ITCH: variants seen among roughly 807,000 people sequenced by gnomAD.
ITCH encodes the protein E3 ubiquitin-protein ligase Itchy homolog.
Under a neutral mutation model 126.8 loss-of-function variants are expected in ITCH, and 28 were observed. The ratio of observed to expected loss-of-function variants is 0.22; its 90% CI spans 0.16 to 0.30. The LOEUF is 0.30. Ranked by LOEUF, ITCH falls within the 10% of genes least tolerant of loss-of-function variation. ITCH has a pLI of 1.00. For missense variants in ITCH, 631 were observed against 1,032.4 expected (o/e 0.61, Z 5.33); for synonymous variants, 342 against 340.0 (o/e 1.01, Z -0.06).
At chr20:34,475,724 G>GGGCAGA (rs913970523) in intron 16 of ITCH, among the ~76,000 whole-genome samples, 1 of 151,588 alleles carries the variant, frequency 6.6e-6, no homozygotes, top group Non-Finnish European at 1.5e-5. Context: ...GCAGGGGCAG[G>GGGCAGA]GGCAGGCAGA....
At chr20:34,367,006 A>G (rs2037445467) in intron 1 of ITCH, among the ~76,000 whole-genome samples, 1 of 152,018 alleles carries the variant, frequency 6.6e-6, no homozygotes, top group Non-Finnish European at 1.5e-5. Context: ...TTTTTTTTAG[A>G]GCTAATCTGG....
At chr20:34,470,017 A>G (rs373446241) in intron 14 of ITCH, 31 bp from the exon 15 acceptor site, 17 of 1,559,644 alleles carry the variant, frequency 1.1e-5, no homozygotes, top group African/African-American at 9.5e-5. Flanking sequence ...AAGCAGCTAT[A>G]TATGTCCTGT....
intron 12 of ITCH, among the ~76,000 whole-genome samples, chr20:34,450,628 A>C (rs184366224): frequency 6.6e-6 from 1 of 152,358 alleles, no homozygotes; most frequent in African/African-American, 2.4e-5. Context: ...ATAATATATT[A>C]TAATAGAAAG....
chr20:34,407,201 A>AT (rs2039089792), intron 3 of ITCH, among the ~76,000 whole-genome samples: 1 of 152,192 alleles, frequency 6.6e-6, no homozygotes, highest in Non-Finnish European at 1.5e-5. Context: ...TTAAAAAAAA[A>AT]ATCTTAGTTT....
At chr20:34,457,536 G>A (rs1986122062) in intron 13 of ITCH, 62 bp downstream of exon 13, 1 of 1,125,382 alleles carries the variant, frequency 8.9e-7, no homozygotes, top group Non-Finnish European at 1.3e-6. Flanking sequence ...TCTAACAACT[G>A]AAGAAGATCA....
intron 23 of ITCH, among the ~76,000 whole-genome samples, chr20:34,503,107 A>G (rs772546315): frequency 1.3e-5 from 2 of 152,222 alleles, no homozygotes; most frequent in East Asian, 1.9e-4. Flanking sequence ...GTGTTTTTTT[A>G]TAACGTTTCC....
At chr20:34,363,583 G>C (rs2037283134) in intron 1 of ITCH, among the ~76,000 whole-genome samples, 1 of 152,198 alleles carries the variant, frequency 6.6e-6, no homozygotes. Context: ...TCAGTGTCTG[G>C]CACAGGCTTC....
intron 23 of ITCH, among the ~76,000 whole-genome samples, chr20:34,503,736 A>G (rs1990412930): frequency 6.6e-6 from 1 of 151,954 alleles, no homozygotes; most frequent in Non-Finnish European, 1.5e-5. Flanking sequence ...TTAACAAACT[A>G]TAGTCTTCAA....
At chr20:34,411,214 C>T (rs754823455) in intron 4 of ITCH, among the ~76,000 whole-genome samples, 9 of 152,096 alleles carry the variant, frequency 5.9e-5, no homozygotes, top group South Asian at 4.1e-4. Context: ...TGCAGTGGCG[C>T]GATCTCTGCT....
rs998219387 is a variant in ITCH at position 34,408,713 on chromosome 20, G to A, written c.133G>A (p.Val45Ile). The change falls in exon 4 of 25, where the codon GTC becomes ATC. Residue 45 changes from valine (V) to isoleucine (I), a missense_variant. This residue lies in a region of ITCH where 220 missense variants were observed against 265.7 expected (regional missense o/e 0.83). Transcript: ENST00000374864. ...NWFGPSPYVE[V>I]TVDGQSKKTE... ...GTTTGGACCAAGTCCTTACGTAGAG[G>A]TCACAGTAGATGGACAGTCAAAGAA... 4.3e-6 allele frequency: 7 copies of A among 1,613,918 alleles called. No homozygotes were observed. The highest frequency in any genetic ancestry group is 5.9e-6 in the Non-Finnish European group (7 of 1,179,840).
At chr20:34,498,072 T>A (rs986272216) in intron 23 of ITCH, among the ~76,000 whole-genome samples, 8 of 152,352 alleles carry the variant, frequency 5.3e-5, no homozygotes, top group South Asian at 4.1e-4. Flanking sequence ...TAAATTTATT[T>A]CTAGGTTTTT....
At chr20:34,365,371 T>C (rs1276583405) in intron 1 of ITCH, among the ~76,000 whole-genome samples, 2 of 152,202 alleles carry the variant, frequency 1.3e-5, no homozygotes, top group African/African-American at 4.8e-5. Context: ...ACTTCTTCAG[T>C]GTATTCTAGA....
intron 23 of ITCH, among the ~76,000 whole-genome samples, chr20:34,499,636 A>G (rs77432921): frequency 6.8e-6 from 1 of 146,782 alleles, no homozygotes; most frequent in Non-Finnish European, 1.5e-5. Flanking sequence ...GAAAAAAAAA[A>G]CAACTTTTCA....
At chr20:34,383,702 T>A (rs530729033) in intron 2 of ITCH, among the ~76,000 whole-genome samples, 37 of 151,930 alleles carry the variant, frequency 2.4e-4, no homozygotes, top group African/African-American at 2.2e-4. Flanking sequence ...TATTATTATT[T>A]TTTTTAATAG....
chr20:34,450,010 A>T (rs911454474), intron 12 of ITCH, among the ~76,000 whole-genome samples: 1 of 152,196 alleles, frequency 6.6e-6, no homozygotes, highest in Admixed American at 6.5e-5. Flanking sequence ...TTCCATCAAG[A>T]TCCACAAGAT....
intron 20 of ITCH, among the ~76,000 whole-genome samples, chr20:34,481,572 A>G (rs979832398): frequency 1.3e-5 from 2 of 151,938 alleles, no homozygotes; most frequent in African/African-American, 2.4e-5. Context: ...GGCAATTTAT[A>G]AAAAAAAGAG....
intron 2 of ITCH, among the ~76,000 whole-genome samples, chr20:34,375,312 A>T (rs1601746003): frequency 7.1e-6 from 1 of 140,526 alleles, no homozygotes; most frequent in South Asian, 2.3e-4. Context: ...AAATGCTGAG[A>T]TTACAGGCGT....
chr20:34,430,618 G>A (rs1180039429), intron 7 of ITCH, among the ~76,000 whole-genome samples: 4 of 152,008 alleles, frequency 2.6e-5, no homozygotes, highest in Admixed American at 1.3e-4. Context: ...GATTACATGC[G>A]TGCACCACTA....
chr20:34,486,660 ATTTAT>A (rs1309216651), intron 20 of ITCH, among the ~76,000 whole-genome samples: 2 of 123,484 alleles, frequency 1.6e-5, no homozygotes, highest in African/African-American at 5.6e-5. Flanking sequence ...TCACTATTTT[ATTTAT>A]TTTATTTATT....
Sources: allele counts gnomAD v4.1 joint callset (sites outside exome capture counted in the v4.1 genomes callset), GRCh38; gene constraint gnomAD v4.1.1; regional missense constraint gnomAD v4.1.1; transcripts MANE v1.5; gene names NCBI Gene and HGNC (gene_info 2026-07-23, HGNC 2026-07-21).